Variants in TBC1D32 observed in about 807,000 individuals in gnomAD.
The protein encoded by TBC1D32 is TBC1 domain family member 32.
Under a neutral mutation model 170.3 loss-of-function variants are expected in TBC1D32, and 151 were observed. That is an observed-to-expected ratio of 0.89 (90% CI 0.78 to 1.01). TBC1D32 has a LOEUF of 1.01. TBC1D32 is among the 50% of genes least tolerant of loss of function. The probability of loss-of-function intolerance (pLI) is 0.00; values close to 1 mark genes in which losing one functional copy is unlikely to be tolerated. For missense variants in TBC1D32, 1,464 were observed against 1,457.1 expected (o/e 1.00, Z -0.08); for synonymous variants, 498 against 488.0 (o/e 1.02, Z -0.27).
At chr6:121,228,125 CCT>C (rs774669546) in intron 20 of TBC1D32, among the ~76,000 whole-genome samples, 82 of 152,050 alleles carry the variant, frequency 5.4e-4, no homozygotes, top group Non-Finnish European at 5.6e-4. Context: ...TAGTCTTACC[CCT>C]GTTTCATTCT....
intron 12 of TBC1D32, among the ~76,000 whole-genome samples, chr6:121,288,131 A>G (rs1804185873): frequency 6.6e-6 from 1 of 152,226 alleles, no homozygotes; most frequent in South Asian, 2.1e-4. Context: ...AAGCTAGCAG[A>G]AGGCAAGAAA....
chr6:121,315,366 C>T (rs1315499463), intron 3 of TBC1D32, among the ~76,000 whole-genome samples: 1 of 152,150 alleles, frequency 6.6e-6, no homozygotes, highest in Admixed American at 6.6e-5. Flanking sequence ...TTTGCAGAGA[C>T]TTGTTCCAGG....
At position 121,115,218 on chromosome 6, in the gene TBC1D32, C is replaced by T. The variant is rs1433193861; in HGVS notation, c.3007G>A (p.Glu1003Lys). Residue 1003 changes from glutamate (E) to lysine (K), a missense_variant, in exon 27 of 32, where the codon GAA becomes AAA. Coordinates refer to ENST00000398212, the MANE Select transcript of TBC1D32 (RefSeq NM_152730.6). The stretch of plus-strand genomic sequence containing the variant: ...AGCTGCTGCACAGATGAAAGACTTT[C>T]ATTCTTCACATTTGCATCAGTAGCT... ...YTATDANVKNESLSSVQQLGI... is the reference protein window; with the variant it reads ...YTATDANVKNKSLSSVQQLGI... 2.5e-6 allele frequency: 4 copies of T among 1,600,014 alleles called. No individual in the cohort carries two copies. The highest frequency in any genetic ancestry group is 3.4e-6 in the Non-Finnish European group (4 of 1,171,578).
At chr6:121,256,530 C>T (rs905476767) in intron 15 of TBC1D32, among the ~76,000 whole-genome samples, 3 of 152,118 alleles carry the variant, frequency 2.0e-5, no homozygotes, top group Non-Finnish European at 4.4e-5. Flanking sequence ...AGATTATAGA[C>T]GCATTGAGAC....
Position 121,241,489 on chromosome 6 carries a change from C to T in TBC1D32, c.2221G>A (p.Gly741Ser), listed in dbSNP as rs769581491. ...CCTGACTTTTTTAGTGCAATGCCAC[C>T]TGCTGCTGTTGATGCCACTCGTGTA... ...LVTRVASTAA[G>S]GIALKKSGFI... Residue 741 changes from glycine (G) to serine (S), a missense_variant, in exon 19 of 32, where the codon GGT becomes AGT. Gly to Ser is a moderately conservative substitution (Grantham distance 56). Coordinates refer to ENST00000398212, the MANE Select transcript of TBC1D32 (RefSeq NM_152730.6). 34 of 1,613,220 alleles carry T rather than the reference C, an allele frequency of 2.1e-5. No homozygotes were observed. Among genetic ancestry groups the T allele is most frequent in the Non-Finnish European group, 2.8e-5 (33 of 1,179,666 alleles).
intron 21 of TBC1D32, among the ~76,000 whole-genome samples, chr6:121,210,580 G>A (rs887884490): frequency 6.6e-6 from 1 of 152,174 alleles, no homozygotes; most frequent in Non-Finnish European, 1.5e-5. Flanking sequence ...TGGCCCTCAA[G>A]ATTCTCAGGC....
In TBC1D32 at chr6:121,255,491, ATATTT is replaced by A. The variant is rs1798857925; in HGVS notation, c.1936-86_1936-82del. The A allele has an allele frequency of 1.0e-5, 3 of 287,934 alleles. No individual in the cohort carries two copies. In the Admixed American group the frequency reaches 1.9e-4, roughly 18 times the overall value. The allele number at this position is 287,934 out of a possible 1,614,324, so 17.8% of individuals were successfully genotyped here. A position where few individuals can be genotyped will look rare whatever the true frequency, so the allele number is the denominator to read the frequency against. ...ATATTTTATAATTATATTTATAATT[ATATTT>A]TATAATTATATTTATAATTATATTT... On this transcript the variant is annotated intron_variant, in intron 16 of 31. Coordinates refer to ENST00000398212, the MANE Select transcript of TBC1D32 (RefSeq NM_152730.6).
At chr6:121,206,777 TG>T (rs1214439977) in intron 21 of TBC1D32, among the ~76,000 whole-genome samples, 1 of 152,212 alleles carries the variant, frequency 6.6e-6, no homozygotes, top group Non-Finnish European at 1.5e-5. Flanking sequence ...TTAAATGAAT[TG>T]TTGCTGTTAT....
Position 121,112,658 on chromosome 6 carries a change from G to C in TBC1D32, c.3171C>G (p.Leu1057=). 6.4e-7 allele frequency: 1 copy of C among 1,560,788 alleles called. No individual in the cohort carries two copies. The highest frequency in any genetic ancestry group is 8.6e-7 in the Non-Finnish European group (1 of 1,157,478). Reference sequence around the variant, plus strand: ...GGCCAGCATAATTCCCTTGCAGGCAGACTGAAAAACACAGTTAAGAAAACT... The same window carrying C: ...GGCCAGCATAATTCCCTTGCAGGCACACTGAAAAACACAGTTAAGAAAACT... ...QQQTSIKSSL[L]CLQGNYAGHD... Residue 1057 remains leucine (L), a splice_region_variant and synonymous_variant, in exon 29 of 32, where the codon CTC becomes CTG. Coordinates refer to ENST00000398212, the MANE Select transcript of TBC1D32 (RefSeq NM_152730.6).
chr6:121,083,496 T>G (rs146412418), intron 31 of TBC1D32, among the ~76,000 whole-genome samples: 1 of 152,128 alleles, frequency 6.6e-6, no homozygotes, highest in Non-Finnish European at 1.5e-5. Context: ...CAATGTTGGA[T>G]GTATTCAATA....
chr6:121,113,046 T>C lies in TBC1D32; in HGVS notation c.3169+16A>G, dbSNP rs777844406. On this transcript the variant is annotated intron_variant, in intron 28 of 31. Coordinates refer to ENST00000398212, the MANE Select transcript of TBC1D32 (RefSeq NM_152730.6). Reference sequence around the variant, plus strand: ...GAAAAAAATTAAGCTATTGTGAATATACTCAAAAAGGATATGAAGAGAAGA... The same window carrying C: ...GAAAAAAATTAAGCTATTGTGAATACACTCAAAAAGGATATGAAGAGAAGA... 86 of 1,565,030 alleles carry C rather than the reference T, an allele frequency of 5.5e-5. No homozygotes were observed. The highest frequency in any genetic ancestry group is 2.6e-4 in the Admixed American group (14 of 53,694).
At chr6:121,260,124 T>C (rs988884874) in intron 15 of TBC1D32, among the ~76,000 whole-genome samples, 16 of 152,002 alleles carry the variant, frequency 1.1e-4, no homozygotes, top group African/African-American at 3.4e-4. Context: ...CCAAACAAAA[T>C]GCCACAGAAA....
At chr6:121,295,569 T>C (rs1246678233) in intron 10 of TBC1D32, among the ~76,000 whole-genome samples, 1 of 152,022 alleles carries the variant, frequency 6.6e-6, no homozygotes, top group Non-Finnish European at 1.5e-5. Flanking sequence ...GATATGGTTA[T>C]GCTTAAATGT....
intron 25 of TBC1D32, among the ~76,000 whole-genome samples, chr6:121,130,992 T>C (rs1781380733): frequency 6.6e-6 from 1 of 152,130 alleles, no homozygotes; most frequent in South Asian, 2.1e-4. Flanking sequence ...AACTTTTCTA[T>C]GAAAACTATA....
At chr6:121,317,327 A>G (rs973447845) in intron 3 of TBC1D32, among the ~76,000 whole-genome samples, 168 bp downstream of exon 3, 1 of 152,160 alleles carries the variant, frequency 6.6e-6, no homozygotes, top group Non-Finnish European at 1.5e-5. Flanking sequence ...ATATAATTCT[A>G]TAAGATGTTA....
intron 15 of TBC1D32, among the ~76,000 whole-genome samples, chr6:121,256,673 CT>C (rs953300572): frequency 4.5e-4 from 63 of 139,952 alleles, no homozygotes; most frequent in African/African-American, 1.4e-3. Flanking sequence ...GGCTGAGAAA[CT>C]TTTTTTTTTC....
intron 21 of TBC1D32, among the ~76,000 whole-genome samples, chr6:121,211,802 A>C (rs1204696759): frequency 6.6e-6 from 1 of 152,148 alleles, no homozygotes; most frequent in Non-Finnish European, 1.5e-5. Flanking sequence ...CCACTGTCCC[A>C]GTGGAACCTT....
At chr6:121,298,393 T>G (rs1269227683) in intron 10 of TBC1D32, among the ~76,000 whole-genome samples, 1 of 152,208 alleles carries the variant, frequency 6.6e-6, no homozygotes, top group African/African-American at 2.4e-5. Context: ...AAACCTTATT[T>G]GAAATACTTT....
At chr6:121,308,785 C>G (rs1278678900) in intron 4 of TBC1D32, among the ~76,000 whole-genome samples, 1 of 140,784 alleles carries the variant, frequency 7.1e-6, no homozygotes, top group Non-Finnish European at 1.5e-5. Context: ...AGAAAGCTTA[C>G]TTCTTAATCA....
Sources: gnomAD v4.1 joint callset for allele counts (sites outside exome capture counted in the v4.1 genomes callset) on GRCh38, gnomAD v4.1.1 for gene constraint, MANE v1.5 for transcripts, NCBI Gene and HGNC (gene_info 2026-07-23, HGNC 2026-07-21) for gene names.